PRMT3: variants seen among roughly 807,000 people sequenced by gnomAD.
PRMT3 encodes the protein protein arginine N-methyltransferase 3.
In PRMT3, 62 loss-of-function variants were observed where a neutral mutation model predicts 71.9. The ratio of observed to expected loss-of-function variants is 0.86; its 90% CI spans 0.70 to 1.07. The LOEUF is 1.07. Ranked by LOEUF, PRMT3 falls within the 50% of genes least tolerant of loss-of-function variation. The probability of loss-of-function intolerance (pLI) is 0.00; values close to 1 mark genes in which losing one functional copy is unlikely to be tolerated. For synonymous variants in PRMT3, 213 were observed against 220.4 expected (o/e 0.97, Z 0.30); for missense variants, 663 against 643.0 (o/e 1.03, Z -0.34).
chr11:20,424,302 A>G (rs953061084), intron 9 of PRMT3, among the ~76,000 whole-genome samples: 5 of 152,180 alleles, frequency 3.3e-5, no homozygotes, highest in African/African-American at 9.7e-5. Context: ...ATTTAAAGCT[A>G]TAGTAATGAA....
intron 15 of PRMT3, among the ~76,000 whole-genome samples, chr11:20,506,375 T>C (rs770606513): frequency 1.3e-5 from 2 of 151,840 alleles, no homozygotes; most frequent in African/African-American, 4.8e-5. Flanking sequence ...AAGCCAAATA[T>C]ACACATTAAC....
intron 7 of PRMT3, among the ~76,000 whole-genome samples, chr11:20,401,287 G>A (rs1848942831): frequency 6.6e-6 from 1 of 152,064 alleles, no homozygotes; most frequent in Admixed American, 6.6e-5. Flanking sequence ...AAAAATCACT[G>A]GTTATAGTAT....
intron 7 of PRMT3, among the ~76,000 whole-genome samples, chr11:20,399,056 A>G (rs944924977): frequency 4.6e-5 from 7 of 152,352 alleles, no homozygotes; most frequent in Admixed American, 4.6e-4. Flanking sequence ...AGTTCAGTGA[A>G]ATTGAGAATA....
At chr11:20,413,832 T>G (rs75832769) in intron 9 of PRMT3, among the ~76,000 whole-genome samples, 199 of 152,028 alleles carry the variant, frequency 1.3e-3, no homozygotes, top group African/African-American at 4.6e-3. Flanking sequence ...CATATTGGAG[T>G]TTTCTATAAC....
chr11:20,461,978 A>T lies in PRMT3; in HGVS notation c.1073-2A>T, dbSNP rs774429497. ...AATTGTTGGGCATTTTGTTTGTTAC[A>T]GTCTACCCTGACATTTGCACTATCA... On this transcript the variant is annotated splice_acceptor_variant, in intron 11 of 15. Coordinates refer to ENST00000331079, the MANE Select transcript of PRMT3 (RefSeq NM_005788.4). LOFTEE classifies it high-confidence loss of function. The T allele has an allele frequency of 1.9e-6, 3 of 1,539,150 alleles. No homozygotes were observed. Among genetic ancestry groups the T allele is most frequent in the Non-Finnish European group, 8.8e-7 (1 of 1,134,208 alleles).
chr11:20,501,057 G>A (rs1851446999), intron 15 of PRMT3, among the ~76,000 whole-genome samples: 1 of 152,000 alleles, frequency 6.6e-6, no homozygotes, highest in Non-Finnish European at 1.5e-5. Context: ...TCTTGCTTTT[G>A]TCCAAGATGT....
intron 15 of PRMT3, among the ~76,000 whole-genome samples, chr11:20,506,309 G>A (rs1851589499): frequency 6.6e-6 from 1 of 152,142 alleles, no homozygotes; most frequent in Non-Finnish European, 1.5e-5. Context: ...CATGTCATAT[G>A]AGATAGTTTT....
intron 13 of PRMT3, among the ~76,000 whole-genome samples, chr11:20,491,680 G>GT (rs1323306658): frequency 2.0e-5 from 3 of 151,788 alleles, no homozygotes; most frequent in Non-Finnish European, 4.4e-5. Context: ...GTTGGTTTCG[G>GT]TTTTTTTTCC....
intron 11 of PRMT3, among the ~76,000 whole-genome samples, chr11:20,453,396 C>T (rs1487267347): frequency 6.7e-6 from 1 of 149,118 alleles, no homozygotes; most frequent in Non-Finnish European, 1.5e-5. Flanking sequence ...AGGAGAATTG[C>T]TTGAACCCGG....
At chr11:20,393,980 A>G (rs1479589448) in intron 5 of PRMT3, 6 of 152,202 alleles carry the variant, frequency 3.9e-5, no homozygotes, top group Admixed American at 3.3e-4. Flanking sequence ...CAGTGACTCA[A>G]TATTCTGCCA....
intron 13 of PRMT3, among the ~76,000 whole-genome samples, chr11:20,466,805 A>G (rs1486843734): frequency 6.6e-6 from 1 of 152,234 alleles, no homozygotes; most frequent in Admixed American, 6.5e-5. Flanking sequence ...AGTCTATTTA[A>G]TTCAAAGATT....
At chr11:20,417,140 T>C (rs761460036) in intron 9 of PRMT3, among the ~76,000 whole-genome samples, 8 of 152,204 alleles carry the variant, frequency 5.3e-5, no homozygotes, top group Non-Finnish European at 1.2e-4. Flanking sequence ...TTTACCAATA[T>C]AATTTCATTC....
At chr11:20,405,645 A>G (rs1200562160) in intron 8 of PRMT3, 3 of 152,208 alleles carry the variant, frequency 2.0e-5, no homozygotes, top group African/African-American at 7.2e-5. Context: ...ATTTGTATAT[A>G]CATTATATAT....
intron 9 of PRMT3, among the ~76,000 whole-genome samples, chr11:20,425,023 G>T (rs1849514411): frequency 6.6e-6 from 1 of 151,616 alleles, no homozygotes; most frequent in Non-Finnish European, 1.5e-5. Flanking sequence ...AGGATCACTT[G>T]AGCTTGAGAG....
Position 20,389,712 on chromosome 11 carries a change from C to T in PRMT3, c.165-32C>T, listed in dbSNP as rs1365374269. On this transcript the variant is annotated intron_variant, in intron 2 of 15. Transcript: ENST00000331079. ...ATCAGTATTTAGACTTCTTAGGGGA[C>T]TATTCCATGAAGCTATTGCTTGATT... 4 of 1,457,970 alleles carry T rather than the reference C, an allele frequency of 2.7e-6. No homozygotes were observed. In the South Asian group the frequency reaches 4.6e-5, roughly 17 times the overall value. The allele number at this position is 1,457,970 out of a possible 1,614,324, so 90.3% of individuals were successfully genotyped here.
chr11:20,419,244 T>C (rs1297708464), intron 9 of PRMT3, among the ~76,000 whole-genome samples: 1 of 152,240 alleles, frequency 6.6e-6, no homozygotes, highest in African/African-American at 2.4e-5. Context: ...TTTGTTTCTT[T>C]GATTGCTAAT....
At chr11:20,504,685 TGTA>T (rs1469298139) in intron 15 of PRMT3, among the ~76,000 whole-genome samples, 6 of 83,552 alleles carry the variant, frequency 7.2e-5, no homozygotes, top group African/African-American at 3.0e-4. Flanking sequence ...TCTCAAGTAT[TGTA>T]TGTGTGTGTG....
At chr11:20,505,885 C>T (rs1301194106) in intron 15 of PRMT3, among the ~76,000 whole-genome samples, 1 of 150,122 alleles carries the variant, frequency 6.7e-6, no homozygotes, top group East Asian at 2.0e-4. Context: ...AAACAAAACC[C>T]ACGGGGCGGT....
At chr11:20,400,644 T>C (rs1271528457) in intron 7 of PRMT3, among the ~76,000 whole-genome samples, 1 of 152,186 alleles carries the variant, frequency 6.6e-6, no homozygotes, top group Non-Finnish European at 1.5e-5. Flanking sequence ...GGTCCACCTT[T>C]ATGAGCTTGT....
Sources: gnomAD v4.1 joint callset for allele counts (sites outside exome capture counted in the v4.1 genomes callset) on GRCh38, gnomAD v4.1.1 for gene constraint, MANE v1.5 for transcripts, NCBI Gene and HGNC (gene_info 2026-07-23, HGNC 2026-07-21) for gene names.